Variants in ADGRV1 observed in about 807,000 individuals in gnomAD.
ADGRV1 encodes the protein G-protein coupled receptor 98.
A neutral mutation model predicts 596.2 loss-of-function variants in ADGRV1; 359 were observed. The ratio of observed to expected loss-of-function variants is 0.60; its 90% CI spans 0.55 to 0.66. ADGRV1 has a LOEUF of 0.66. Ranked by LOEUF, ADGRV1 falls within the 30% of genes least tolerant of loss-of-function variation. ADGRV1 has a pLI of 0.00. For missense variants in ADGRV1, 7,274 were observed against 7,575.6 expected, an observed-to-expected ratio of 0.96 and a Z score of 1.48; for synonymous variants, 2,681 against 2,679.2, an observed-to-expected ratio of 1.00 and a Z score of -0.02.
At position 90,627,825 on chromosome 5, in the gene ADGRV1, C is replaced by G. The variant is rs191943066; in HGVS notation, c.1238+49C>G. ...GCTACCATTATTTTATTATATTATTCCAGATTTAAGTTTTGTGGTGTTGGA... is the reference window on the plus strand; with the variant it reads ...GCTACCATTATTTTATTATATTATTGCAGATTTAAGTTTTGTGGTGTTGGA... On this transcript the variant is annotated intron_variant, in intron 7 of 89. Coordinates refer to ENST00000405460, the MANE Select transcript of ADGRV1 (RefSeq NM_032119.4). The G allele has an allele frequency of 8.4e-6, 10 of 1,191,256 alleles. No homozygotes were observed. The Admixed American group carries it at 1.6e-4, about 19-fold the overall frequency. The allele number at this position is 1,191,256 out of a possible 1,614,324, so 73.8% of individuals were successfully genotyped here. A position where few individuals can be genotyped will look rare whatever the true frequency, so the allele number is the denominator to read the frequency against.
At chr5:90,681,702 A>G (rs770639021) in intron 27 of ADGRV1, among the ~76,000 whole-genome samples, 1 of 152,178 alleles carries the variant, frequency 6.6e-6, no homozygotes, top group Non-Finnish European at 1.5e-5. Context: ...ATGGAGCTGT[A>G]CTACAAGTAT....
At chr5:90,839,409 T>G (rs2150356011) in intron 77 of ADGRV1, among the ~76,000 whole-genome samples, 1 of 152,138 alleles carries the variant, frequency 6.6e-6, no homozygotes, top group African/African-American at 2.4e-5. Flanking sequence ...AGAGATGGGG[T>G]TTCACCGTGT....
chr5:90,886,242 T>C (rs2150562632), intron 83 of ADGRV1, among the ~76,000 whole-genome samples: 1 of 152,294 alleles, frequency 6.6e-6, no homozygotes, highest in Admixed American at 6.5e-5. Context: ...CTTCTGAAGA[T>C]GGTTCAAAAA....
chr5:90,643,813 A>T lies in ADGRV1; in HGVS notation c.2564A>T (p.His855Leu). 6.2e-7 allele frequency: 1 copy of T among 1,600,402 alleles called. No homozygotes were observed. The highest frequency in any genetic ancestry group is 8.5e-7 in the Non-Finnish European group (1 of 1,173,304). ...ACACATTCACTTTAGTTGGATGAACACTACTGGGTGGTCCTCAGCAGCCAC... is the reference window on the plus strand; with the variant it reads ...ACACATTCACTTTAGTTGGATGAACTCTACTGGGTGGTCCTCAGCAGCCAC... ...RLDGIPELDE[H>L]YWVVLSSHGE... The change falls in exon 14 of 90, where the codon CAC becomes CTC. Residue 855 changes from histidine to leucine, a missense_variant. Coordinates refer to ENST00000405460, the MANE Select transcript of ADGRV1 (RefSeq NM_032119.4).
rs568644790 is a variant in ADGRV1 at position 90,937,358 on chromosome 5, T to C, written c.17857-28057T>C. ...TTATCTTTCTGTGCTGCATTCTGGG[T>C]AAGTTCCTTAGTTTTTGTTACCCCT... On this transcript the variant is annotated intron_variant, in intron 83 of 89. Coordinates refer to ENST00000405460, the MANE Select transcript of ADGRV1 (RefSeq NM_032119.4). Among the ~76,000 whole-genome samples the C allele has an allele frequency of 4.4e-3, 672 of 152,264 alleles. 4 individuals carry two copies. Among genetic ancestry groups the C allele is most frequent in the Non-Finnish European group, 8.0e-3 (541 of 68,020 alleles).
At chr5:90,747,664 C>T (rs1754776632) in intron 52 of ADGRV1, among the ~76,000 whole-genome samples, 1 of 152,098 alleles carries the variant, frequency 6.6e-6, no homozygotes, top group Non-Finnish European at 1.5e-5. Flanking sequence ...ATGCAGGCAC[C>T]CTCTGCCTGG....
rs1014073742 is a variant in ADGRV1, at chr5:90,848,884, A to G, written c.17204+63A>G. On this transcript the variant is annotated intron_variant, in intron 79 of 89. Coordinates refer to ENST00000405460, the MANE Select transcript of ADGRV1 (RefSeq NM_032119.4). ...CATTTTTTTCACTGTTTACAAAGCA[A>G]TATGTAATGCAAAATGACATTTAGA... 88 of 1,146,326 alleles carry G rather than the reference A, an allele frequency of 7.7e-5. No homozygotes were observed. In the African/African-American group the frequency reaches 1.1e-3, roughly 15 times the overall value. 71.0% of individuals were successfully genotyped at this position (1,146,326 alleles called of 1,614,324 possible).
At chr5:91,055,895 A>G (rs1786800694) in intron 85 of ADGRV1, among the ~76,000 whole-genome samples, 1 of 152,236 alleles carries the variant, frequency 6.6e-6, no homozygotes, top group African/African-American at 2.4e-5. Flanking sequence ...ATCCATTACA[A>G]TGAACACATT....
intron 85 of ADGRV1, among the ~76,000 whole-genome samples, chr5:91,016,658 TC>T (rs1783197278): frequency 6.6e-6 from 1 of 151,838 alleles, no homozygotes; most frequent in Non-Finnish European, 1.5e-5. Flanking sequence ...GAGATGACGC[TC>T]ACCTGCTCCA....
chr5:90,647,760 A>C lies in ADGRV1; in HGVS notation c.3285A>C (p.Ser1095=). ...DEPFYIILLN[S]TGDTVVYQYG... ...CCTTTTATATAATCCTCTTGAATTC[A>C]ACAGGTAAGTAAATTATGCTTTTTT... is the stretch of plus-strand genomic sequence containing the variant. Residue 1095 remains serine (S), a synonymous_variant, in exon 17 of 90, where the codon TCA becomes TCC. Coordinates refer to ENST00000405460, the MANE Select transcript of ADGRV1 (RefSeq NM_032119.4). The C allele has an allele frequency of 6.2e-7, 1 of 1,610,706 alleles. No homozygotes were observed.
chr5:91,011,576 A>G (rs1298175655), intron 85 of ADGRV1, among the ~76,000 whole-genome samples: 1 of 152,030 alleles, frequency 6.6e-6, no homozygotes, highest in Non-Finnish European at 1.5e-5. Flanking sequence ...ATGTATTAAC[A>G]TATTAATACA....
At chr5:91,040,484 T>C (rs1352803261) in intron 85 of ADGRV1, among the ~76,000 whole-genome samples, 4 of 152,214 alleles carry the variant, frequency 2.6e-5, no homozygotes, top group African/African-American at 9.6e-5. Context: ...ATTTGCTAAG[T>C]ATGTGTTGAT....
At chr5:91,018,894 C>A (rs1445074878) in intron 85 of ADGRV1, among the ~76,000 whole-genome samples, 1 of 151,970 alleles carries the variant, frequency 6.6e-6, no homozygotes, top group Admixed American at 6.6e-5. Context: ...AGCATTCTGA[C>A]TTTCACCATC....
intron 85 of ADGRV1, among the ~76,000 whole-genome samples, chr5:91,012,979 G>C (rs1017919638): frequency 6.6e-6 from 1 of 151,928 alleles, no homozygotes; most frequent in Non-Finnish European, 1.5e-5. Flanking sequence ...GCAGTATTTG[G>C]TTTTCTCTTC....
chr5:91,031,877 A>T (rs1166583068), intron 85 of ADGRV1, among the ~76,000 whole-genome samples: 1 of 152,202 alleles, frequency 6.6e-6, no homozygotes, highest in Non-Finnish European at 1.5e-5. Flanking sequence ...CTAATCCTAG[A>T]TCCCTGCGCT....
Position 90,755,051 on chromosome 5 carries a change from T to C in ADGRV1, c.11446T>C (p.Leu3816=), listed in dbSNP as rs924661536. ...KGLLGDIAIH[L]RAQPNFLLHV... ...ACTACTTGGGGATATTGCCATTCAC[T>C]TGAGAGCTCAACCCAATTTCTTACT... Residue 3816 remains leucine (L), a synonymous_variant, in exon 55 of 90, where the codon TTG becomes CTG. Transcript: ENST00000405460. 6.2e-7 allele frequency: 1 copy of C among 1,613,000 alleles called. No homozygotes were observed. The highest frequency in any genetic ancestry group is 1.3e-5 in the African/African-American group (1 of 74,890).
At chr5:90,939,061 T>A (rs2150851207) in intron 83 of ADGRV1, among the ~76,000 whole-genome samples, 1 of 152,326 alleles carries the variant, frequency 6.6e-6, no homozygotes, top group East Asian at 1.9e-4. Context: ...AGGAGAAGAC[T>A]GATAATCTGT....
intron 28 of ADGRV1, among the ~76,000 whole-genome samples, chr5:90,684,687 G>A (rs1468119876): frequency 1.3e-5 from 2 of 152,078 alleles, no homozygotes; most frequent in Non-Finnish European, 2.9e-5. Flanking sequence ...TCTTTTACAT[G>A]GGGACTAACC....
intron 89 of ADGRV1, among the ~76,000 whole-genome samples, chr5:91,155,899 A>G (rs1478985960): frequency 6.6e-6 from 1 of 152,222 alleles, no homozygotes; most frequent in Non-Finnish European, 1.5e-5. Flanking sequence ...TTCCAAAAGA[A>G]TGAGATTAAG....
Sources: gnomAD v4.1 joint callset for allele counts (sites outside exome capture counted in the v4.1 genomes callset) on GRCh38, gnomAD v4.1.1 for gene constraint, MANE v1.5 for transcripts, NCBI Gene and HGNC (gene_info 2026-07-23, HGNC 2026-07-21) for gene names.